Variants in FBN1 observed in about 807,000 individuals in gnomAD.
FBN1 encodes fibrillin 1, also known as fibrillin-1.
FBN1 carries 29 observed loss-of-function variants against 365.1 expected under a neutral mutation model. The ratio of observed to expected loss-of-function variants is 0.08; its 90% CI spans 0.06 to 0.11. The LOEUF is 0.11. FBN1 is among the 10% of genes least tolerant of loss of function. The probability of loss-of-function intolerance (pLI) is 1.00; values close to 1 mark genes in which losing one functional copy is unlikely to be tolerated. For synonymous variants in FBN1, 1,210 were observed against 1,270.5 expected (o/e 0.95, Z 1.01); for missense variants, 2,476 against 3,703.2 (o/e 0.67, Z 8.60).
chr15:48,591,836 A>G (rs1371489450), intron 6 of FBN1, among the ~76,000 whole-genome samples: 4 of 151,222 alleles, frequency 2.6e-5, no homozygotes, highest in African/African-American at 9.8e-5. Context: ...GCCCCTTTCC[A>G]GTGAAGTCCA....
At chr15:48,536,838 G>A (rs2044017349) in intron 7 of FBN1, among the ~76,000 whole-genome samples, 1 of 152,212 alleles carries the variant, frequency 6.6e-6, no homozygotes, top group Non-Finnish European at 1.5e-5. Context: ...ATTTGCCTCA[G>A]AAAAGCATAT....
intron 2 of FBN1, among the ~76,000 whole-genome samples, chr15:48,630,485 T>C (rs1320364344): frequency 4.6e-5 from 7 of 152,188 alleles, no homozygotes; most frequent in Admixed American, 6.5e-5. Flanking sequence ...CCTGCTGTCT[T>C]CTGTCAAAGT....
At position 48,520,488 on chromosome 15, in the gene FBN1, C is replaced by CT. The variant is rs199844620; in HGVS notation, c.1147+170dup. 0.018 allele frequency among the ~76,000 whole-genome samples: 2,693 copies of CT among 151,414 alleles called. 68 individuals carry two copies. The highest frequency in any genetic ancestry group is 0.058 in the African/African-American group (2,377 of 41,266). On this transcript the variant is annotated intron_variant, in intron 10 of 65. Transcript: ENST00000316623. ...AAAACAGTACTCTTTGTACAGACCC[C>CT]TTTTTTTTTCCTGTGCATTTTCTAG...
chr15:48,506,066 T>A (rs530672312), intron 15 of FBN1, among the ~76,000 whole-genome samples: 5 of 151,900 alleles, frequency 3.3e-5, no homozygotes, highest in Non-Finnish European at 7.4e-5. Context: ...CTACTAAAAA[T>A]ACAAAAATCA....
At chr15:48,506,533 GAA>G (rs1300501964) in intron 15 of FBN1, among the ~76,000 whole-genome samples, 1 of 152,236 alleles carries the variant, frequency 6.6e-6, no homozygotes, top group African/African-American at 2.4e-5. Context: ...ACTACAACCT[GAA>G]AGGTAACACA....
chr15:48,432,687 G>C (rs556445629), intron 55 of FBN1, among the ~76,000 whole-genome samples, 179 bp downstream of exon 55: 30 of 152,268 alleles, frequency 2.0e-4, no homozygotes, highest in African/African-American at 6.5e-4. Context: ...CCTCAACTTG[G>C]CTTGATGATG....
intron 32 of FBN1, among the ~76,000 whole-genome samples, chr15:48,480,646 T>C (rs11638586): frequency 0.078 from 11,909 of 152,206 alleles, 499 homozygotes; most frequent in Middle Eastern, 0.14. Flanking sequence ...GAAACAATAA[T>C]AAATATATTT....
intron 53 of FBN1, among the ~76,000 whole-genome samples, chr15:48,435,772 A>ATATATGTGTGTATATATATGTATATGTG (rs1555395092): frequency 7.5e-5 from 8 of 106,344 alleles, no homozygotes; most frequent in East Asian, 3.1e-4. Context: ...ATATGTGTAT[A>ATATATGTGTGTATATATATGTATATGTG]TGTGTGTGTG....
chr15:48,587,294 G>A (rs1386766797), intron 6 of FBN1, among the ~76,000 whole-genome samples: 3 of 152,170 alleles, frequency 2.0e-5, no homozygotes, highest in African/African-American at 4.8e-5. Flanking sequence ...TTTCCTGAAT[G>A]CCGTCTATAA....
intron 2 of FBN1, among the ~76,000 whole-genome samples, chr15:48,623,916 T>A (rs1451617603): frequency 6.6e-6 from 1 of 150,384 alleles, no homozygotes; most frequent in East Asian, 1.9e-4. Flanking sequence ...ACATGCACCC[T>A]CCTCCCCAAC....
rs28607541 is a variant in FBN1 at position 48,512,622 on chromosome 15, G to A, written c.1588+927C>T. On this transcript the variant is annotated intron_variant, in intron 13 of 65. Transcript: ENST00000316623. ...TAGTTTACTAATTATAATGACCTCC[G>A]GCTCCATCCATGTCCCTGCAACGGA... is the stretch of plus-strand genomic sequence containing the variant. Among the ~76,000 whole-genome samples, 897 of 152,140 alleles carry A rather than the reference G, an allele frequency of 5.9e-3. 5 individuals carry two copies. Among genetic ancestry groups the A allele is most frequent in the Non-Finnish European group, 9.0e-3 (609 of 67,994 alleles).
intron 5 of FBN1, among the ~76,000 whole-genome samples, chr15:48,598,053 G>GA (rs2044529446): frequency 6.6e-6 from 1 of 152,184 alleles, no homozygotes; most frequent in Non-Finnish European, 1.5e-5. Context: ...GTTAGGACTT[G>GA]TCTTCCTGCT....
intron 36 of FBN1, among the ~76,000 whole-genome samples, chr15:48,469,079 A>AT (rs61069899): frequency 0.1 from 10,123 of 98,714 alleles, 494 homozygotes; most frequent in Middle Eastern, 0.14. Context: ...AAAAAAAAAA[A>AT]ATATATATAT....
chr15:48,504,628 T>C (rs1343724628), intron 16 of FBN1, among the ~76,000 whole-genome samples: 1 of 152,144 alleles, frequency 6.6e-6, no homozygotes, highest in Non-Finnish European at 1.5e-5. Flanking sequence ...ATCATACAGG[T>C]TTCTGGATTA....
intron 6 of FBN1, among the ~76,000 whole-genome samples, chr15:48,567,998 T>TAAGGAAGAAAGAAAGAAAGAAAGAAAGA (rs1555403245): frequency 1.8e-5 from 1 of 56,534 alleles, no homozygotes; most frequent in African/African-American, 1.0e-4. Context: ...AGTATACAGA[T>TAAGGAAGAAAGAAAGAAAGAAAGAAAGA]AAGAAAGAAA....
intron 34 of FBN1, 145 bp downstream of exon 34, chr15:48,474,110 T>C: frequency 8.1e-7 from 1 of 1,237,274 alleles, no homozygotes. Context: ...TCCAATTTTT[T>C]TTTTCCCACA....
chr15:48,617,192 T>C (rs1889671394), intron 2 of FBN1, among the ~76,000 whole-genome samples: 1 of 152,150 alleles, frequency 6.6e-6, no homozygotes, highest in Non-Finnish European at 1.5e-5. Flanking sequence ...TTGTTTTTTT[T>C]GAGATGGAGT....
intron 2 of FBN1, among the ~76,000 whole-genome samples, chr15:48,621,832 CAAA>C (rs764161767): frequency 8.7e-6 from 1 of 114,874 alleles, no homozygotes. Flanking sequence ...ACTAAAAATA[CAAA>C]AAAAAAAAAA....
intron 42 of FBN1, among the ~76,000 whole-genome samples, 186 bp from the exon 43 acceptor site, chr15:48,460,503 A>G (rs993050652): frequency 5.9e-5 from 9 of 152,206 alleles, no homozygotes; most frequent in Non-Finnish European, 1.2e-4. Flanking sequence ...AATATTGAAG[A>G]AAAAAATGAC....
Sources: gnomAD v4.1 joint callset for allele counts (sites outside exome capture counted in the v4.1 genomes callset) on GRCh38, gnomAD v4.1.1 for gene constraint, MANE v1.5 for transcripts, NCBI Gene and HGNC (gene_info 2026-07-23, HGNC 2026-07-21) for gene names.